PSMD14: variants seen among roughly 807,000 people sequenced by gnomAD.
PSMD14 encodes ubiquitin C-terminal hydrolase PSMD14.
Under a neutral mutation model 41.2 loss-of-function variants are expected in PSMD14, and 7 were observed. That is an observed-to-expected ratio of 0.17 (90% CI 0.10 to 0.32). The LOEUF is 0.32. PSMD14 is among the 10% of genes least tolerant of loss of function. The pLI, the probability that PSMD14 is intolerant of heterozygous loss-of-function variation, is 1.00. For synonymous variants in PSMD14, 114 were observed against 122.3 expected, an observed-to-expected ratio of 0.93 and a Z score of 0.45; for missense variants, 139 against 375.6, an observed-to-expected ratio of 0.37 and a Z score of 5.21.
intron 3 of PSMD14, among the ~76,000 whole-genome samples, chr2:161,351,317 G>T (rs1683114927): frequency 6.6e-6 from 1 of 152,208 alleles, no homozygotes; most frequent in African/African-American, 2.4e-5. Flanking sequence ...TTGCAGAGTA[G>T]TATCACAGAA....
intron 7 of PSMD14, 125 bp from the exon 8 acceptor site, chr2:161,385,339 A>G (rs777936729): frequency 9.0e-6 from 4 of 442,354 alleles, no homozygotes; most frequent in Middle Eastern, 4.9e-4. Flanking sequence ...TATTAATATT[A>G]TAATTAAATG....
chr2:161,316,998 G>A (rs777980000), intron 2 of PSMD14, among the ~76,000 whole-genome samples: 4 of 152,080 alleles, frequency 2.6e-5, no homozygotes, highest in African/African-American at 4.8e-5. Flanking sequence ...ATATTCTAAT[G>A]TATACTGTAT....
intron 3 of PSMD14, among the ~76,000 whole-genome samples, chr2:161,338,498 T>C (rs1682900855): frequency 6.6e-6 from 1 of 152,146 alleles, no homozygotes; most frequent in African/African-American, 2.4e-5. Flanking sequence ...TCTTTTAGAC[T>C]TGGAAAAGCA....
intron 3 of PSMD14, among the ~76,000 whole-genome samples, chr2:161,364,602 C>G (rs2105254692): frequency 6.6e-6 from 1 of 152,056 alleles, no homozygotes; most frequent in Admixed American, 6.5e-5. Context: ...TCTTCTGTTG[C>G]CTGGTTTTTG....
intron 6 of PSMD14, among the ~76,000 whole-genome samples, chr2:161,370,741 T>C (rs1683420757): frequency 6.6e-6 from 1 of 152,142 alleles, no homozygotes; most frequent in Non-Finnish European, 1.5e-5. Context: ...AGTTCCTAGT[T>C]CTACTGCTGG....
intron 8 of PSMD14, among the ~76,000 whole-genome samples, chr2:161,388,660 G>A (rs565100936): frequency 6.6e-6 from 1 of 152,144 alleles, no homozygotes; most frequent in East Asian, 1.9e-4. Flanking sequence ...AAGGATATCA[G>A]TTACCACCGT....
At position 161,391,182 on chromosome 2, in the gene PSMD14, A is replaced by T; in HGVS notation, c.645+4A>T. 1 of 1,512,084 alleles carries T rather than the reference A, an allele frequency of 6.6e-7. No homozygotes were observed. The highest frequency in any genetic ancestry group is 8.9e-7 in the Non-Finnish European group (1 of 1,128,708). The allele number at this position is 1,512,084 out of a possible 1,614,324, so 93.7% of individuals were successfully genotyped here. A position where few individuals can be genotyped will look rare whatever the true frequency, so the allele number is the denominator to read the frequency against. On this transcript the variant is annotated splice_donor_region_variant and intron_variant, in intron 9 of 11. Transcript: ENST00000409682. The stretch of plus-strand genomic sequence containing the variant: ...GAAAAATGAACTGGAACAGAAGGTA[A>T]GTTTAAATTTTTATCTTATAGGAGG...
At chr2:161,389,889 G>GTTGTTGT in intron 8 of PSMD14, among the ~76,000 whole-genome samples, 1 of 20,042 alleles carries the variant, frequency 5.0e-5, no homozygotes, top group Non-Finnish European at 1.0e-4. Context: ...CTTTTTTGTT[G>GTTGTTGT]TTTTTTTTTT....
rs1386628630 is a variant in PSMD14, at chr2:161,308,455, CT to C, written c.-283del. 1 of 152,288 alleles carries C rather than the reference CT, an allele frequency of 6.6e-6. No individual in the cohort carries two copies. Among genetic ancestry groups the C allele is most frequent in the Non-Finnish European group, 1.5e-5 (1 of 68,068 alleles). The allele number at this position is 152,288 out of a possible 1,614,324, so 9.4% of individuals were successfully genotyped here. A position where few individuals can be genotyped will look rare whatever the true frequency, so the allele number is the denominator to read the frequency against. On this transcript the variant is annotated 5_prime_UTR_variant, in exon 1 of 12. Transcript: ENST00000409682. ...CTTCGCGGCGGAGGCCCGGGCAACTCTTTTGAATGGAATCGGGCTGATTCAT... is the reference window on the plus strand; with the variant it reads ...CTTCGCGGCGGAGGCCCGGGCAACTCTTTGAATGGAATCGGGCTGATTCAT...
intron 3 of PSMD14, among the ~76,000 whole-genome samples, chr2:161,331,549 C>T (rs557180886): frequency 4.3e-4 from 65 of 152,244 alleles, no homozygotes; most frequent in African/African-American, 1.4e-3. Context: ...TGAGCCACCG[C>T]GCCTGGCCTC....
intron 3 of PSMD14, among the ~76,000 whole-genome samples, chr2:161,340,338 C>G (rs897732707): frequency 6.6e-6 from 1 of 152,216 alleles, no homozygotes; most frequent in Non-Finnish European, 1.5e-5. Flanking sequence ...GCTGACCACC[C>G]TGACGGAGCT....
At chr2:161,332,745 G>A (rs1574118724) in intron 3 of PSMD14, among the ~76,000 whole-genome samples, 2 of 152,270 alleles carry the variant, frequency 1.3e-5, no homozygotes, top group East Asian at 3.9e-4. Flanking sequence ...AAGAGAATTT[G>A]GGAGACCTGC....
intron 3 of PSMD14, among the ~76,000 whole-genome samples, chr2:161,321,431 A>G (rs1682596346): frequency 6.6e-6 from 1 of 151,694 alleles, no homozygotes; most frequent in Non-Finnish European, 1.5e-5. Flanking sequence ...TCCAAGACAT[A>G]TTTTTTTTTA....
At position 161,408,832 on chromosome 2, in the gene PSMD14, C is replaced by A; in HGVS notation, c.772-5C>A. ...TAAACTCTGTCCTTTGTGTTTCATT[C>A]ACAGGCTGTAGAAGAAGAAGATAAG... On this transcript the variant is annotated splice_region_variant and splice_polypyrimidine_tract_variant and intron_variant, in intron 10 of 11. Transcript: ENST00000409682. 1 of 1,598,160 alleles carries A rather than the reference C, an allele frequency of 6.3e-7. No individual in the cohort carries two copies. Among genetic ancestry groups the A allele is most frequent in the South Asian group, 1.1e-5 (1 of 89,744 alleles).
At chr2:161,354,752 G>C (rs1435073880) in intron 3 of PSMD14, among the ~76,000 whole-genome samples, 1 of 152,172 alleles carries the variant, frequency 6.6e-6, no homozygotes, top group Non-Finnish European at 1.5e-5. Flanking sequence ...TGGTCTTAAA[G>C]GGAAAGAAAT....
intron 3 of PSMD14, among the ~76,000 whole-genome samples, chr2:161,327,981 T>TGTGTGA (rs1268803464): frequency 1.3e-3 from 192 of 149,022 alleles, no homozygotes; most frequent in African/African-American, 4.4e-3. Flanking sequence ...TGTGTGTGTG[T>TGTGTGA]GTGAGATGTT....
At chr2:161,350,818 T>C (rs995383777) in intron 3 of PSMD14, among the ~76,000 whole-genome samples, 5 of 152,226 alleles carry the variant, frequency 3.3e-5, no homozygotes, top group African/African-American at 1.2e-4. Flanking sequence ...TGATTAATGG[T>C]ATTGATAGTT....
At chr2:161,364,707 C>T (rs879568176) in intron 3 of PSMD14, among the ~76,000 whole-genome samples, 3 of 152,138 alleles carry the variant, frequency 2.0e-5, no homozygotes, top group Admixed American at 6.5e-5. Context: ...GTATTATATG[C>T]GATTTCTCTC....
At chr2:161,339,126 C>T (rs1307176746) in intron 3 of PSMD14, among the ~76,000 whole-genome samples, 1 of 152,116 alleles carries the variant, frequency 6.6e-6, no homozygotes, top group Non-Finnish European at 1.5e-5. Flanking sequence ...ATTGTATGGA[C>T]AGGTGTTTTT....
Sources: allele counts gnomAD v4.1 joint callset (sites outside exome capture counted in the v4.1 genomes callset), GRCh38; gene constraint gnomAD v4.1.1; transcripts MANE v1.5; gene names NCBI Gene and HGNC (gene_info 2026-07-23, HGNC 2026-07-21).